Variants in PTPRZ1 observed in about 807,000 individuals in gnomAD.
PTPRZ1 encodes the protein receptor-type tyrosine-protein phosphatase zeta.
A neutral mutation model predicts 214.1 loss-of-function variants in PTPRZ1; 82 were observed. That is an observed-to-expected ratio of 0.38 (90% CI 0.32 to 0.46). The LOEUF (loss-of-function observed/expected upper bound fraction) is 0.46. PTPRZ1 is among the 20% of genes least tolerant of loss of function. PTPRZ1 has a pLI of 1.00. For synonymous variants in PTPRZ1, 945 were observed against 987.9 expected, an observed-to-expected ratio of 0.96 and a Z score of 0.81; for missense variants, 2,603 against 2,748.7, an observed-to-expected ratio of 0.95 and a Z score of 1.19.
chr7:122,051,083 C>T (rs961705666), intron 23 of PTPRZ1, among the ~76,000 whole-genome samples: 3 of 152,038 alleles, frequency 2.0e-5, no homozygotes, highest in Non-Finnish European at 2.9e-5. Flanking sequence ...TATATACACA[C>T]ACACGATGTA....
intron 1 of PTPRZ1, among the ~76,000 whole-genome samples, chr7:121,879,904 CCT>C (rs1354850772): frequency 6.6e-6 from 1 of 151,144 alleles, no homozygotes; most frequent in Non-Finnish European, 1.5e-5. Flanking sequence ...GTTGCTATTT[CCT>C]CTTCAGCTTC....
At chr7:121,920,443 T>C (rs1795562478) in intron 1 of PTPRZ1, among the ~76,000 whole-genome samples, 1 of 152,180 alleles carries the variant, frequency 6.6e-6, no homozygotes, top group Non-Finnish European at 1.5e-5. Context: ...TGGGTTTTCT[T>C]CTCACTTCTA....
intron 2 of PTPRZ1, among the ~76,000 whole-genome samples, chr7:121,959,515 C>T (rs971748626): frequency 2.6e-5 from 4 of 152,204 alleles, no homozygotes; most frequent in Non-Finnish European, 4.4e-5. Flanking sequence ...GAAGTTGTCA[C>T]AGACATCCCT....
Position 121,873,280 on chromosome 7 carries a change from G to T in PTPRZ1, c.-220G>T. 1 of 487,302 alleles carries T rather than the reference G, an allele frequency of 2.1e-6. No individual in the cohort carries two copies. 30.2% of individuals were successfully genotyped at this position (487,302 alleles called of 1,614,324 possible). ...GCTTTCTCCAGATTATTCCTCTCTCGCTGTCTCTGACTGTCTCTCTCTGTC... is the reference window on the plus strand; with the variant it reads ...GCTTTCTCCAGATTATTCCTCTCTCTCTGTCTCTGACTGTCTCTCTCTGTC... On this transcript the variant is annotated 5_prime_UTR_variant, in exon 1 of 30. Transcript: ENST00000393386.
rs928134585 is a variant in PTPRZ1 at position 122,011,731 on chromosome 7, A to G, written c.2685A>G (p.Glu895=). The G allele has an allele frequency of 6.2e-7, 1 of 1,614,052 alleles. No homozygotes were observed. The highest frequency in any genetic ancestry group is 1.3e-5 in the African/African-American group (1 of 74,922). The change falls in exon 12 of 30, where the codon GAA becomes GAG. Residue 895 remains glutamate (E), a synonymous_variant. Transcript: ENST00000393386. Reference sequence around the variant, plus strand: ...CAGAGACGCTGGAATTTGGTAGTGAATCTGGTGTTCTTTATAAAACGCTTA... The same window carrying G: ...CAGAGACGCTGGAATTTGGTAGTGAGTCTGGTGTTCTTTATAAAACGCTTA... ...AASETLEFGS[E]SGVLYKTLMF... is the part of the protein sequence containing the mutation.
At chr7:122,031,615 A>G in intron 15 of PTPRZ1, 56 bp downstream of exon 15, 1 of 1,252,182 alleles carries the variant, frequency 8.0e-7, no homozygotes, top group East Asian at 2.6e-5. Context: ...AATTTAAAAG[A>G]TTCAGCAATA....
Position 121,971,456 on chromosome 7 carries a change from T to G in PTPRZ1, c.305-1085T>G, listed in dbSNP as rs539264303. Reference sequence around the variant, plus strand: ...TTTATGGGGAGTGTTGAGGGTTTTGTTTTTCTTAGGGGAGAGTGGTTATTA... The same window carrying G: ...TTTATGGGGAGTGTTGAGGGTTTTGGTTTTCTTAGGGGAGAGTGGTTATTA... On this transcript the variant is annotated intron_variant, in intron 3 of 29. Coordinates refer to ENST00000393386, the MANE Select transcript of PTPRZ1 (RefSeq NM_002851.3). Among the ~76,000 whole-genome samples, 11 of 152,144 alleles carry G rather than the reference T, an allele frequency of 7.2e-5. No individual in the cohort carries two copies. The South Asian group carries it at 1.5e-3, about 20-fold the overall frequency.
At chr7:121,941,640 A>C (rs1352465286) in intron 2 of PTPRZ1, among the ~76,000 whole-genome samples, 1 of 152,116 alleles carries the variant, frequency 6.6e-6, no homozygotes, top group Non-Finnish European at 1.5e-5. Flanking sequence ...GTCTAAATTA[A>C]TTTTTATTCC....
At chr7:121,983,103 A>G (rs1266916842) in intron 6 of PTPRZ1, among the ~76,000 whole-genome samples, 1 of 152,112 alleles carries the variant, frequency 6.6e-6, no homozygotes, top group East Asian at 1.9e-4. Context: ...CAATCATGTT[A>G]TTTGCACACT....
chr7:121,919,965 T>C (rs1270482899), intron 1 of PTPRZ1, among the ~76,000 whole-genome samples: 1 of 152,180 alleles, frequency 6.6e-6, no homozygotes, highest in African/African-American at 2.4e-5. Flanking sequence ...ATTTGACCTA[T>C]TCATTAATAT....
At chr7:121,927,013 G>C (rs1353854162) in intron 1 of PTPRZ1, among the ~76,000 whole-genome samples, 1 of 152,070 alleles carries the variant, frequency 6.6e-6, no homozygotes, top group Admixed American at 6.6e-5. Context: ...TTATAAAATA[G>C]TAACTTATTA....
At chr7:122,038,486 G>T (rs1799615340) in intron 18 of PTPRZ1, among the ~76,000 whole-genome samples, 1 of 140,386 alleles carries the variant, frequency 7.1e-6, no homozygotes, top group Non-Finnish European at 1.5e-5. Context: ...AATTATAGTT[G>T]TGTCAAAGCA....
chr7:121,877,048 G>A (rs139291572), intron 1 of PTPRZ1, among the ~76,000 whole-genome samples: 18 of 152,284 alleles, frequency 1.2e-4, no homozygotes, highest in African/African-American at 4.3e-4. Context: ...TCAAAGGAAG[G>A]CATAATTAAG....
At chr7:121,938,018 TTC>T (rs1338983264) in intron 2 of PTPRZ1, among the ~76,000 whole-genome samples, 2 of 152,172 alleles carry the variant, frequency 1.3e-5, no homozygotes, top group Non-Finnish European at 2.9e-5. Context: ...TATTTCATAT[TTC>T]ATATGTTTAT....
intron 10 of PTPRZ1, among the ~76,000 whole-genome samples, chr7:122,000,972 C>T (rs1798306334): frequency 6.6e-6 from 1 of 151,900 alleles, no homozygotes; most frequent in Non-Finnish European, 1.5e-5. Flanking sequence ...GCGTGAGCCA[C>T]CGCACCTGGC....
intron 1 of PTPRZ1, among the ~76,000 whole-genome samples, chr7:121,910,320 A>C (rs1431340457): frequency 6.6e-6 from 1 of 152,140 alleles, no homozygotes; most frequent in African/African-American, 2.4e-5. Context: ...TTCCGCTCTA[A>C]TGCTTTTCTC....
At chr7:121,977,490 C>T (rs1797478268) in intron 6 of PTPRZ1, among the ~76,000 whole-genome samples, 1 of 152,176 alleles carries the variant, frequency 6.6e-6, no homozygotes, top group African/African-American at 2.4e-5. Flanking sequence ...CACTCACACA[C>T]AGGATCTTAA....
chr7:122,001,233 G>A (rs1186261175), intron 10 of PTPRZ1, among the ~76,000 whole-genome samples: 1 of 151,880 alleles, frequency 6.6e-6, no homozygotes, highest in Non-Finnish European at 1.5e-5. Flanking sequence ...TTATCAAGGA[G>A]CCTTTTTAAT....
intron 6 of PTPRZ1, among the ~76,000 whole-genome samples, chr7:121,979,463 C>T (rs1467642563): frequency 6.6e-6 from 1 of 152,156 alleles, no homozygotes; most frequent in Non-Finnish European, 1.5e-5. Context: ...ACAATTTCAG[C>T]CCAGAAATTT....
Sources: gnomAD v4.1 joint callset for allele counts (sites outside exome capture counted in the v4.1 genomes callset) on GRCh38, gnomAD v4.1.1 for gene constraint, MANE v1.5 for transcripts, NCBI Gene and HGNC (gene_info 2026-07-23, HGNC 2026-07-21) for gene names.